UBE2E2: variants seen among roughly 807,000 people sequenced by gnomAD.
The protein encoded by UBE2E2 is ubiquitin-conjugating enzyme E2 E2.
Under a neutral mutation model 24.7 loss-of-function variants are expected in UBE2E2, and 6 were observed. The ratio of observed to expected loss-of-function variants is 0.24; its 90% CI spans 0.13 to 0.48. The LOEUF is 0.48. UBE2E2 is among the 20% of genes least tolerant of loss of function. UBE2E2 has a pLI of 0.99. For synonymous variants in UBE2E2, 104 were observed against 83.6 expected, an observed-to-expected ratio of 1.24 and a Z score of -1.33; for missense variants, 169 against 245.0, an observed-to-expected ratio of 0.69 and a Z score of 2.07.
At chr3:23,276,270 A>G (rs1698373520) in intron 3 of UBE2E2, among the ~76,000 whole-genome samples, 1 of 152,040 alleles carries the variant, frequency 6.6e-6, no homozygotes, top group Admixed American at 6.6e-5. Flanking sequence ...AGTTTTATGG[A>G]AAAAATACAC....
chr3:23,338,988 T>C (rs1416179359), intron 3 of UBE2E2, among the ~76,000 whole-genome samples: 2 of 152,156 alleles, frequency 1.3e-5, no homozygotes, highest in East Asian at 1.9e-4. Flanking sequence ...CTAAAAGATA[T>C]TTACTATAAT....
chr3:23,487,174 T>C (rs1391609581), intron 3 of UBE2E2, among the ~76,000 whole-genome samples: 2 of 152,236 alleles, frequency 1.3e-5, no homozygotes, highest in Non-Finnish European at 2.9e-5. Flanking sequence ...CCCAAGTGTG[T>C]GCACACCCAG....
At chr3:23,226,446 A>G (rs1017618776) in intron 3 of UBE2E2, among the ~76,000 whole-genome samples, 23 of 151,052 alleles carry the variant, frequency 1.5e-4, no homozygotes, top group African/African-American at 5.3e-4. Context: ...CTTTTCAACC[A>G]CTTTCTGAAA....
intron 3 of UBE2E2, among the ~76,000 whole-genome samples, chr3:23,406,865 G>A (rs138182690): frequency 6.6e-6 from 1 of 152,192 alleles, no homozygotes; most frequent in African/African-American, 2.4e-5. Context: ...TTGATGAATT[G>A]CTTGCTAAAC....
intron 3 of UBE2E2, among the ~76,000 whole-genome samples, chr3:23,468,457 A>G (rs1412457155): frequency 6.6e-6 from 1 of 152,254 alleles, no homozygotes; most frequent in Non-Finnish European, 1.5e-5. Context: ...ATGGGAAAGC[A>G]GTGGTCTTAA....
chr3:23,582,466 G>T (rs1178715672), intron 5 of UBE2E2, among the ~76,000 whole-genome samples: 1 of 152,144 alleles, frequency 6.6e-6, no homozygotes, highest in Non-Finnish European at 1.5e-5. Flanking sequence ...AGTTATTTGA[G>T]AAATCACCAC....
chr3:23,435,509 A>G (rs1198862440), intron 3 of UBE2E2, among the ~76,000 whole-genome samples: 1 of 152,224 alleles, frequency 6.6e-6, no homozygotes, highest in Non-Finnish European at 1.5e-5. Context: ...AGTTGGGCTC[A>G]GCAGCAGTTA....
chr3:23,431,720 T>G (rs1294417814), intron 3 of UBE2E2, among the ~76,000 whole-genome samples: 1 of 152,220 alleles, frequency 6.6e-6, no homozygotes, highest in Non-Finnish European at 1.5e-5. Flanking sequence ...CAGATTTTTT[T>G]TTAGCCTCTG....
At position 23,318,562 on chromosome 3, in the gene UBE2E2, C is replaced by T. The variant is rs926268244; in HGVS notation, c.227+101250C>T. The stretch of plus-strand genomic sequence containing the variant: ...CAGTTCCACGTGGCTGGGGAAGCCT[C>T]ACAATCATGGCAGAAGGCAAAAGGC... On this transcript the variant is annotated intron_variant, in intron 3 of 5. Transcript: ENST00000396703. Among the ~76,000 whole-genome samples the T allele has an allele frequency of 2.2e-4, 34 of 152,102 alleles. 1 individual carries two copies.
intron 3 of UBE2E2, among the ~76,000 whole-genome samples, chr3:23,487,248 T>C (rs1699393619): frequency 6.6e-6 from 1 of 152,038 alleles, no homozygotes; most frequent in South Asian, 2.1e-4. Flanking sequence ...GGTGCTGGGA[T>C]TGGGAAGAGG....
intron 3 of UBE2E2, among the ~76,000 whole-genome samples, chr3:23,229,817 T>C (rs1040224906): frequency 6.6e-6 from 1 of 152,228 alleles, no homozygotes; most frequent in African/African-American, 2.4e-5. Context: ...GAAAGGTGAC[T>C]AGTGCAACTA....
intron 3 of UBE2E2, among the ~76,000 whole-genome samples, chr3:23,229,247 T>A (rs1696912032): frequency 6.6e-6 from 1 of 152,236 alleles, no homozygotes; most frequent in Non-Finnish European, 1.5e-5. Flanking sequence ...TCTCGTGTAA[T>A]CTTTACAACT....
At chr3:23,582,653 C>T (rs948391430) in intron 5 of UBE2E2, among the ~76,000 whole-genome samples, 1 of 152,112 alleles carries the variant, frequency 6.6e-6, no homozygotes, top group African/African-American at 2.4e-5. Flanking sequence ...CTTTAATGAT[C>T]AGTGATCATT....
At chr3:23,414,888 C>G (rs1265692802) in intron 3 of UBE2E2, among the ~76,000 whole-genome samples, 1 of 152,174 alleles carries the variant, frequency 6.6e-6, no homozygotes, top group Non-Finnish European at 1.5e-5. Context: ...TGATCTTGGA[C>G]TACCTAACCT....
Position 23,583,787 on chromosome 3 carries a change from G to A in UBE2E2, c.509-5947G>A, listed in dbSNP as rs1307453757. Among the ~76,000 whole-genome samples, 1 of 152,198 alleles carries A rather than the reference G, an allele frequency of 6.6e-6. No individual in the cohort carries two copies. The highest frequency in any genetic ancestry group is 2.4e-5 in the African/African-American group (1 of 41,458). ...TTTTGTATCCTGACACTTTGCTGAA[G>A]TTGTTTATCAGGTCAGGGAGCTTTG... is the stretch of plus-strand genomic sequence containing the variant. On this transcript the variant is annotated intron_variant, in intron 5 of 5. Transcript: ENST00000396703. The surrounding 1 kb of genome is among the most constrained non-coding windows in gnomAD (Gnocchi z 4.1).
At chr3:23,438,820 A>C (rs1698236617) in intron 3 of UBE2E2, among the ~76,000 whole-genome samples, 1 of 152,196 alleles carries the variant, frequency 6.6e-6, no homozygotes, top group African/African-American at 2.4e-5. Context: ...TCATATTGAA[A>C]CCATAAAAGA....
At chr3:23,501,839 A>G (rs1699727173) in intron 4 of UBE2E2, among the ~76,000 whole-genome samples, 1 of 152,078 alleles carries the variant, frequency 6.6e-6, no homozygotes, top group African/African-American at 2.4e-5. Flanking sequence ...CTGAGTTACT[A>G]CCTGTCAAGA....
chr3:23,555,559 T>A (rs1479207790), intron 5 of UBE2E2, among the ~76,000 whole-genome samples: 1 of 152,200 alleles, frequency 6.6e-6, no homozygotes, highest in Non-Finnish European at 1.5e-5. Flanking sequence ...ATACCTGCAC[T>A]CTCGTGTTCA....
intron 3 of UBE2E2, among the ~76,000 whole-genome samples, chr3:23,436,015 T>C (rs1240521427): frequency 6.6e-6 from 1 of 152,044 alleles, no homozygotes; most frequent in East Asian, 1.9e-4. Context: ...CAGTTCACAA[T>C]AGGATCCCCA....
Sources: allele counts gnomAD v4.1 joint callset (sites outside exome capture counted in the v4.1 genomes callset), GRCh38; gene constraint gnomAD v4.1.1; non-coding constraint Gnocchi (gnomAD v3.1); transcripts MANE v1.5; gene names NCBI Gene and HGNC (gene_info 2026-07-23, HGNC 2026-07-21).